Variants in GEMIN2 observed in about 807,000 individuals in gnomAD.
GEMIN2 encodes the protein gem-associated protein 2.
A neutral mutation model predicts 45.8 loss-of-function variants in GEMIN2; 37 were observed. The ratio of observed to expected loss-of-function variants is 0.81; its 90% CI spans 0.62 to 1.06. The LOEUF (loss-of-function observed/expected upper bound fraction) is 1.06. Among genes scored for constraint, GEMIN2 ranks in the 50% least tolerant of loss-of-function variants. The probability of loss-of-function intolerance (pLI) is 0.00; values close to 1 mark genes in which losing one functional copy is unlikely to be tolerated. For synonymous variants in GEMIN2, 101 were observed against 111.5 expected, an observed-to-expected ratio of 0.91 and a Z score of 0.60; for missense variants, 335 against 321.8, an observed-to-expected ratio of 1.04 and a Z score of -0.31.
chr14:39,115,146 T>A (rs2052485129), intron 2 of GEMIN2, among the ~76,000 whole-genome samples: 1 of 152,260 alleles, frequency 6.6e-6, no homozygotes, highest in Non-Finnish European at 1.5e-5. Context: ...CTTCAGGACA[T>A]TATCCAGTCC....
At chr14:39,129,233 A>G (rs2052684767) in intron 7 of GEMIN2, among the ~76,000 whole-genome samples, 1 of 152,134 alleles carries the variant, frequency 6.6e-6, no homozygotes, top group Non-Finnish European at 1.5e-5. Flanking sequence ...CCTAGGAGCA[A>G]TTGGCTATGC....
chr14:39,115,812 C>T (rs1400321112), intron 2 of GEMIN2, among the ~76,000 whole-genome samples: 1 of 152,086 alleles, frequency 6.6e-6, no homozygotes, highest in African/African-American at 2.4e-5. Context: ...ATTTATCCAG[C>T]ACATCTTTAA....
intron 6 of GEMIN2, among the ~76,000 whole-genome samples, chr14:39,126,858 C>A (rs2052648756): frequency 6.6e-6 from 1 of 151,944 alleles, no homozygotes; most frequent in South Asian, 2.1e-4. Flanking sequence ...CTCCACCTCC[C>A]AGGTTCAAGC....
At chr14:39,122,396 C>T (rs2052583869) in intron 4 of GEMIN2, 34 bp from the exon 5 acceptor site, 2 of 1,072,036 alleles carry the variant, frequency 1.9e-6, no homozygotes, top group Admixed American at 4.2e-5. Flanking sequence ...AATTAATACA[C>T]AGGAATAAAT....
intron 9 of GEMIN2, 37 bp downstream of exon 9, chr14:39,133,756 T>C: frequency 9.2e-7 from 1 of 1,081,754 alleles, no homozygotes; most frequent in Non-Finnish European, 1.4e-6. Context: ...TATTTATCAG[T>C]GAGGTCAGTG....
At chr14:39,125,074 T>A (rs762052754) in intron 6 of GEMIN2, 38 bp downstream of exon 6, 1 of 962,018 alleles carries the variant, frequency 1.0e-6, no homozygotes. Flanking sequence ...TTCTTTTGTT[T>A]GCATTGTGTG....
intron 9 of GEMIN2, 24 bp downstream of exon 9, chr14:39,133,743 T>C (rs752065391): frequency 1.5e-5 from 21 of 1,357,530 alleles, no homozygotes; most frequent in South Asian, 2.6e-5. Context: ...TTGGCTTCTT[T>C]ATTATTTATC....
Position 39,118,048 on chromosome 14 carries a change from G to C in GEMIN2, c.272G>C (p.Trp91Ser), listed in dbSNP as rs535828171. 1.2e-6 allele frequency: 2 copies of C among 1,608,366 alleles called. No individual in the cohort carries two copies. The highest frequency in any genetic ancestry group is 2.2e-5 in the South Asian group (2 of 90,716). The change falls in exon 3 of 10, where the codon TGG (tryptophan) becomes TCG (serine). Residue 91 changes from tryptophan (W) to serine (S), a missense_variant. Trp to Ser is a radical substitution (Grantham distance 177). Transcript: ENST00000308317. ...APEGYSPTLQ[W>S]QQQQVAQFST... ...GAAGGTTATTCCCCAACACTTCAATGGCAACAGCAACAAGTGGCACAGTTT... is the reference window on the plus strand; with the variant it reads ...GAAGGTTATTCCCCAACACTTCAATCGCAACAGCAACAAGTGGCACAGTTT...
At chr14:39,114,769 A>G in intron 1 of GEMIN2, 60 bp from the exon 2 acceptor site, 1 of 969,302 alleles carries the variant, frequency 1.0e-6, no homozygotes, top group Admixed American at 1.9e-5. Context: ...CGCTTGTTTT[A>G]CTACACCTGA....
At chr14:39,122,910 T>G (rs1594512852) in intron 5 of GEMIN2, among the ~76,000 whole-genome samples, 1 of 152,220 alleles carries the variant, frequency 6.6e-6, no homozygotes. Flanking sequence ...AATCATTTTA[T>G]GAGTTGGATA....
At chr14:39,117,367 G>A (rs2052522487) in intron 2 of GEMIN2, among the ~76,000 whole-genome samples, 1 of 151,050 alleles carries the variant, frequency 6.6e-6, no homozygotes. Flanking sequence ...TAATTTTATT[G>A]ATACATAATA....
Position 39,118,558 on chromosome 14 carries a change from A to T in GEMIN2, c.331A>T (p.Ser111Cys). The T allele has an allele frequency of 6.7e-7, 1 of 1,496,480 alleles. No homozygotes were observed. The highest frequency in any genetic ancestry group is 9.3e-7 in the Non-Finnish European group (1 of 1,073,396). 92.7% of individuals were successfully genotyped at this position (1,496,480 alleles called of 1,614,324 possible). A position where few individuals can be genotyped will look rare whatever the true frequency, so the allele number is the denominator to read the frequency against. Residue 111 changes from serine to cysteine, a missense_variant, in exon 4 of 10, where the codon AGT (serine) becomes TGT (cysteine). Ser to Cys is a moderately radical substitution (Grantham distance 112). Coordinates refer to ENST00000308317, the MANE Select transcript of GEMIN2 (RefSeq NM_003616.3). Reference protein sequence around the residue: ...TVRQNVNKHRSHWKSQQLDSN... With the variant: ...TVRQNVNKHRCHWKSQQLDSN... ...CCTTTAGAATGTGAACAAACATAGA[A>T]GTCACTGGAAATCACAACAGTTGGA...
intron 1 of GEMIN2, 89 bp from the exon 2 acceptor site, chr14:39,114,740 A>G (rs1048504602): frequency 1.3e-5 from 10 of 783,316 alleles, no homozygotes; most frequent in Admixed American, 4.6e-5. Context: ...TGATTTCACA[A>G]TGAACTGTGG....
At chr14:39,119,318 G>A (rs921990961) in intron 4 of GEMIN2, among the ~76,000 whole-genome samples, 2 of 152,136 alleles carry the variant, frequency 1.3e-5, no homozygotes, top group Admixed American at 6.6e-5. Context: ...AATGTGATGA[G>A]TCTGTGTCAC....
chr14:39,132,789 C>T lies in GEMIN2; in HGVS notation c.711+721C>T, dbSNP rs1317602273. Reference sequence around the variant, plus strand: ...CGCTTCCCAGGTTCAAGCAATTCTCCTGCCTTAGCCTCCAGAGTAGCTGAG... The same window carrying T: ...CGCTTCCCAGGTTCAAGCAATTCTCTTGCCTTAGCCTCCAGAGTAGCTGAG... On this transcript the variant is annotated intron_variant, in intron 8 of 9. Transcript: ENST00000308317. 2.0e-5 allele frequency among the ~76,000 whole-genome samples: 3 copies of T among 148,586 alleles called. No homozygotes were observed. The Admixed American group carries it at 2.0e-4, about 10-fold the overall frequency.
In GEMIN2 at chr14:39,122,422, T is replaced by TTC; in HGVS notation, c.373-8_373-7insTC. On this transcript the variant is annotated splice_polypyrimidine_tract_variant and splice_region_variant and intron_variant, in intron 4 of 9. Coordinates refer to ENST00000308317, the MANE Select transcript of GEMIN2 (RefSeq NM_003616.3). ...AGGAATAAATCAGTTTTTTTTTTTT[T>TTC]CTTTTAGCCAAAATCTGAAGATGAA... is the stretch of plus-strand genomic sequence containing the variant. The TTC allele has an allele frequency of 6.9e-7, 1 of 1,441,338 alleles. No individual in the cohort carries two copies. Among genetic ancestry groups the TTC allele is most frequent in the South Asian group, 1.2e-5 (1 of 82,752 alleles). The allele number at this position is 1,441,338 out of a possible 1,614,324, so 89.3% of individuals were successfully genotyped here.
In GEMIN2 at chr14:39,114,389, A is replaced by G; in HGVS notation, c.51A>G (p.Leu17=). ...CAGTGGAAGAGTTGATGCCTCGGCT[A>G]TTGCCGGTAGAGCCTTGCGACTTGA... ...ESAVEELMPR[L]LPVEPCDLTE... is the part of the protein sequence containing the mutation. The change falls in exon 1 of 10, where the codon CTA becomes CTG. Residue 17 remains leucine (L), a synonymous_variant. Transcript: ENST00000308317. 4 of 1,613,870 alleles carry G rather than the reference A, an allele frequency of 2.5e-6. No individual in the cohort carries two copies. Among genetic ancestry groups the G allele is most frequent in the Admixed American group, 1.7e-5 (1 of 60,018 alleles).
chr14:39,127,382 G>T (rs554656297), intron 6 of GEMIN2, among the ~76,000 whole-genome samples: 24 of 99,622 alleles, frequency 2.4e-4, no homozygotes, highest in African/African-American at 9.2e-4. Flanking sequence ...TCACTCTGTT[G>T]CCCAGGCTGG....
At position 39,128,437 on chromosome 14, in the gene GEMIN2, T is replaced by C. The variant is rs575344109; in HGVS notation, c.600+89T>C. ...GGCCACATATACAATGGTGCTCCTA[T>C]AGGATTATAATACTGTATTTTTACT... On this transcript the variant is annotated intron_variant, in intron 7 of 9. Transcript: ENST00000308317. The C allele has an allele frequency of 4.9e-4, 340 of 693,130 alleles. 5 individuals are homozygous for C. The South Asian group carries it at 4.9e-3, about 10-fold the overall frequency. The allele number at this position is 693,130 out of a possible 1,614,324, so 42.9% of individuals were successfully genotyped here.
Sources: allele counts gnomAD v4.1 joint callset (sites outside exome capture counted in the v4.1 genomes callset), GRCh38; gene constraint gnomAD v4.1.1; transcripts MANE v1.5; gene names NCBI Gene and HGNC (gene_info 2026-07-23, HGNC 2026-07-21).